The following KIF13A variants were observed in gnomAD, a reference collection of about 807,000 sequenced individuals.
The protein encoded by KIF13A is kinesin-like protein KIF13A.
In KIF13A, 79 loss-of-function variants were observed where a neutral mutation model predicts 212.2. The observed-to-expected ratio is 0.37, with a 90% CI of 0.31 to 0.45. The LOEUF (loss-of-function observed/expected upper bound fraction) is 0.45. KIF13A is among the 20% of genes least tolerant of loss of function. The pLI, the probability that KIF13A is intolerant of heterozygous loss-of-function variation, is 1.00. For synonymous variants in KIF13A, 789 were observed against 808.6 expected, an observed-to-expected ratio of 0.98 and a Z score of 0.41; for missense variants, 1,901 against 2,209.0, an observed-to-expected ratio of 0.86 and a Z score of 2.79.
In KIF13A at chr6:17,817,077, C is replaced by G. The variant is rs932259103; in HGVS notation, c.1943G>C (p.Arg648Pro). The change falls in exon 17 of 39, where the codon CGC (arginine) becomes CCC (proline). Residue 648 changes from arginine (R) to proline (P), a missense_variant. Around this residue, in one of 5 missense-constraint regions of KIF13A, gnomAD observed 534 missense variants for 536.9 expected, o/e 0.99. Transcript: ENST00000259711. The part of the protein sequence containing the change: ...DRQPQSSGPD[R>P]LAYSSQTAQQ... ...CGCTGTCTGGCTGCTGTAGGCCAGG[C>G]GGTCAGGGCCGCTACTCTGTGGCTG... 1 of 1,613,634 alleles carries G rather than the reference C, an allele frequency of 6.2e-7. No individual in the cohort carries two copies. Among genetic ancestry groups the G allele is most frequent in the South Asian group, 1.1e-5 (1 of 91,068 alleles).
rs1330435832 is a variant in KIF13A at position 17,805,907 on chromosome 6, T to A, written c.2164-292A>T. ...ATCATTTTTCTTGTATTGTTAAATA[T>A]TCTTCATAAGCACGATTTTTTTTTT... is the stretch of plus-strand genomic sequence containing the variant. On this transcript the variant is annotated intron_variant, in intron 18 of 38. Coordinates refer to ENST00000259711, the MANE Select transcript of KIF13A (RefSeq NM_022113.6). Among the ~76,000 whole-genome samples, 4 of 145,244 alleles carry A rather than the reference T, an allele frequency of 2.8e-5. No homozygotes were observed. The East Asian group carries it at 8.3e-4, about 30-fold the overall frequency.
At position 17,764,129 on chromosome 6, in the gene KIF13A, C is replaced by T. The variant is rs202230300; in HGVS notation, c.5399G>A (p.Trp1800Ter). The T allele has an allele frequency of 1.1e-4, 180 of 1,613,790 alleles. 1 individual carries two copies. Among genetic ancestry groups the T allele is most frequent in the Non-Finnish European group, 1.5e-4 (176 of 1,179,870 alleles). Reference protein sequence around the residue: ...DQVIIPEAAFWVLCCQ With the variant: ...DQVIIPEAAF ...ACATACTCATTGACAGCACAGAACCCAAAAGGCTGCCTCTGGAATTATTAC... is the reference window on the plus strand; with the variant it reads ...ACATACTCATTGACAGCACAGAACCTAAAAGGCTGCCTCTGGAATTATTAC... Residue 1800 changes from tryptophan to a stop codon, truncating the protein, a stop_gained, in exon 39 of 39, where the codon TGG becomes TAG. Transcript: ENST00000259711. LOFTEE classifies it high-confidence loss of function. The surrounding 1 kb of genome is among the most constrained non-coding windows in gnomAD (Gnocchi z 5.1).
intron 2 of KIF13A, among the ~76,000 whole-genome samples, chr6:17,956,736 A>G (rs1581850228): frequency 6.6e-6 from 1 of 152,092 alleles, no homozygotes; most frequent in Admixed American, 6.6e-5. Context: ...TGTGGGTCAA[A>G]AAAAAATCCT....
Position 17,912,214 on chromosome 6 carries a change from C to G in KIF13A, c.147-14034G>C, listed in dbSNP as rs1774137940. On this transcript the variant is annotated intron_variant, in intron 2 of 38. Transcript: ENST00000259711. This position sits in a 1 kb window ranked among gnomAD's most constrained non-coding sequence, Gnocchi z 4.2. ...CCTACATCAAAACATCTCATGTACC[C>G]TATAAATATATATACCTACGACATA... is the stretch of plus-strand genomic sequence containing the variant. Among the ~76,000 whole-genome samples the G allele has an allele frequency of 6.6e-6, 1 of 152,072 alleles. No homozygotes were observed. The highest frequency in any genetic ancestry group is 2.4e-5 in the African/African-American group (1 of 41,394).
rs1284546941 is a variant in KIF13A, at chr6:17,951,946, G to C, written c.146+35108C>G. Among the ~76,000 whole-genome samples the C allele has an allele frequency of 6.6e-6, 1 of 152,038 alleles. No homozygotes were observed. Among genetic ancestry groups the C allele is most frequent in the Non-Finnish European group, 1.5e-5 (1 of 68,014 alleles). ...AATACCTTTATTTACAATTTTTGTAGAAGCAATTTGGCAATTTATATTTAC... is the reference window on the plus strand; with the variant it reads ...AATACCTTTATTTACAATTTTTGTACAAGCAATTTGGCAATTTATATTTAC... On this transcript the variant is annotated intron_variant, in intron 2 of 38. Transcript: ENST00000259711. This position sits in a 1 kb window ranked among gnomAD's most constrained non-coding sequence, Gnocchi z 4.9.
intron 3 of KIF13A, among the ~76,000 whole-genome samples, chr6:17,877,877 G>C (rs748380894): frequency 1.3e-5 from 2 of 151,950 alleles, no homozygotes; most frequent in Non-Finnish European, 2.9e-5. Context: ...TTTGCAGTCA[G>C]TATTTACTGA....
At chr6:17,851,316 G>A (rs1581523467) in intron 7 of KIF13A, among the ~76,000 whole-genome samples, 1 of 152,186 alleles carries the variant, frequency 6.6e-6, no homozygotes, top group Admixed American at 6.5e-5. Flanking sequence ...GTGATAATGG[G>A]CCAGCCACAT....
intron 3 of KIF13A, among the ~76,000 whole-genome samples, chr6:17,891,149 T>C (rs957595243): frequency 3.3e-5 from 5 of 152,216 alleles, no homozygotes; most frequent in African/African-American, 9.6e-5. Flanking sequence ...CTTGCTTTTC[T>C]GTTTAAAAGA....
At chr6:17,962,048 T>C (rs569567910) in intron 2 of KIF13A, among the ~76,000 whole-genome samples, 1 of 152,158 alleles carries the variant, frequency 6.6e-6, no homozygotes, top group Non-Finnish European at 1.5e-5. Context: ...GGTAATAGGC[T>C]GGGTGTGGTG....
At position 17,934,129 on chromosome 6, in the gene KIF13A, G is replaced by C. The variant is rs887680677; in HGVS notation, c.147-35949C>G. Among the ~76,000 whole-genome samples, 3 of 152,040 alleles carry C rather than the reference G, an allele frequency of 2.0e-5. No individual in the cohort carries two copies. The highest frequency in any genetic ancestry group is 4.4e-5 in the Non-Finnish European group (3 of 68,006). On this transcript the variant is annotated intron_variant, in intron 2 of 38. Transcript: ENST00000259711. This position sits in a 1 kb window ranked among gnomAD's most constrained non-coding sequence, Gnocchi z 5.4. ...ACATTTAAGTTGAAAAGAATAAAAAGACAAGCATTTTCATAAAAACCAGGA... is the reference window on the plus strand; with the variant it reads ...ACATTTAAGTTGAAAAGAATAAAAACACAAGCATTTTCATAAAAACCAGGA...
At chr6:17,830,123 A>G (rs1765314274) in intron 13 of KIF13A, among the ~76,000 whole-genome samples, 1 of 152,186 alleles carries the variant, frequency 6.6e-6, no homozygotes, top group Non-Finnish European at 1.5e-5. Context: ...TGTCAATCAG[A>G]TATCTTATTT....
rs1226773469 is a variant in KIF13A, at chr6:17,899,369, T to C, written c.147-1189A>G. On this transcript the variant is annotated intron_variant, in intron 2 of 38. Transcript: ENST00000259711. This position sits in a 1 kb window ranked among gnomAD's most constrained non-coding sequence, Gnocchi z 5.2. ...GGCTTTAATCATTCTTCATAGGAAA[T>C]AGAATCATGGGGCTAAGAAAGTAGA... Among the ~76,000 whole-genome samples, 1 of 152,090 alleles carries C rather than the reference T, an allele frequency of 6.6e-6. No individual in the cohort carries two copies.
intron 3 of KIF13A, among the ~76,000 whole-genome samples, chr6:17,889,340 A>G (rs1304852427): frequency 6.6e-6 from 1 of 152,230 alleles, no homozygotes; most frequent in Non-Finnish European, 1.5e-5. Flanking sequence ...ATAAACATAG[A>G]AGTGAGATCA....
rs71002278 is a variant in KIF13A at position 17,868,989 on chromosome 6, C to CAAAAAAAAAA, written c.220+4378_220+4387dup. On this transcript the variant is annotated intron_variant, in intron 4 of 38. Coordinates refer to ENST00000259711, the MANE Select transcript of KIF13A (RefSeq NM_022113.6). ...TGGGCGACAGAGGGAGACTCCCTCT[C>CAAAAAAAAAA]AAAAAAAAAAAAAAAAAAAAAAAAA... is the stretch of plus-strand genomic sequence containing the variant. Among the ~76,000 whole-genome samples, 88 of 20,914 alleles carry CAAAAAAAAAA rather than the reference C, an allele frequency of 4.2e-3. 6 individuals are homozygous for CAAAAAAAAAA. The highest frequency in any genetic ancestry group is 9.6e-3 in the African/African-American group (68 of 7,076). 13.7% of individuals were successfully genotyped at this position (20,914 alleles called of 152,430 possible). A position where few individuals can be genotyped will look rare whatever the true frequency, so the allele number is the denominator to read the frequency against.
intron 2 of KIF13A, among the ~76,000 whole-genome samples, chr6:17,981,495 G>A (rs768373918): frequency 3.3e-5 from 5 of 150,082 alleles, no homozygotes; most frequent in Non-Finnish European, 7.4e-5. Context: ...CATGATCTCG[G>A]CTCACTGCCA....
rs748287378 is a variant in KIF13A at position 17,811,296 on chromosome 6, A to AC, written c.2001-2367dup. Among the ~76,000 whole-genome samples, 51 of 152,224 alleles carry AC rather than the reference A, an allele frequency of 3.4e-4. No homozygotes were observed. The highest frequency in any genetic ancestry group is 3.1e-4 in the Non-Finnish European group (21 of 68,052). ...CAATACATTCACACAATCAATGCAT[A>AC]CAATATTTACTAAATACCTACCAGG... On this transcript the variant is annotated intron_variant, in intron 17 of 38. Transcript: ENST00000259711. The surrounding 1 kb of genome is among the most constrained non-coding windows in gnomAD (Gnocchi z 6.0).
rs960902151 is a variant in KIF13A at position 17,785,318 on chromosome 6, G to A, written c.3488+197C>T. On this transcript the variant is annotated intron_variant, in intron 28 of 38. Coordinates refer to ENST00000259711, the MANE Select transcript of KIF13A (RefSeq NM_022113.6). This position sits in a 1 kb window ranked among gnomAD's most constrained non-coding sequence, Gnocchi z 5.8. ...CTGGCCAGGTAATCAATGCTCTCTC[G>A]CTTCCTGTGGGAGAAAGTTGGCTTC... Among the ~76,000 whole-genome samples, 1 of 152,158 alleles carries A rather than the reference G, an allele frequency of 6.6e-6. No homozygotes were observed. The highest frequency in any genetic ancestry group is 2.4e-5 in the African/African-American group (1 of 41,426).
Position 17,956,495 on chromosome 6 carries a change from G to T in KIF13A, c.146+30559C>A, listed in dbSNP as rs776615261. ...ATGGAAACAAACCCAATATGCAAGAGATTTACTATCTAGGTAGGGAGGCAA... is the reference window on the plus strand; with the variant it reads ...ATGGAAACAAACCCAATATGCAAGATATTTACTATCTAGGTAGGGAGGCAA... On this transcript the variant is annotated intron_variant, in intron 2 of 38. Transcript: ENST00000259711. Among the ~76,000 whole-genome samples, 7 of 152,348 alleles carry T rather than the reference G, an allele frequency of 4.6e-5. 1 individual carries two copies. In the East Asian group the frequency reaches 1.2e-3, roughly 25 times the overall value.
intron 2 of KIF13A, among the ~76,000 whole-genome samples, chr6:17,969,839 C>T (rs1339943553): frequency 6.6e-6 from 1 of 151,962 alleles, no homozygotes; most frequent in Non-Finnish European, 1.5e-5. Context: ...CAGAAGCATT[C>T]TAGTTTCCTT....
Sources: allele counts gnomAD v4.1 joint callset (sites outside exome capture counted in the v4.1 genomes callset), GRCh38; gene constraint gnomAD v4.1.1; regional missense constraint gnomAD v4.1.1; non-coding constraint Gnocchi (gnomAD v3.1); transcripts MANE v1.5; gene names NCBI Gene and HGNC (gene_info 2026-07-23, HGNC 2026-07-21).